The following LINGO2 variants were observed in gnomAD, a reference collection of about 807,000 sequenced individuals.
LINGO2 encodes leucine rich repeat and Ig domain containing 2.
LINGO2 carries 14 observed loss-of-function variants against 30.6 expected under a neutral mutation model. The ratio of observed to expected loss-of-function variants is 0.46; its 90% CI spans 0.30 to 0.72. The LOEUF is 0.72. LINGO2 is among the 30% of genes least tolerant of loss of function. The probability of loss-of-function intolerance (pLI) is 0.07; values close to 1 mark genes in which losing one functional copy is unlikely to be tolerated. For synonymous variants in LINGO2, 317 were observed against 288.5 expected, an observed-to-expected ratio of 1.10 and a Z score of -1.00; for missense variants, 729 against 751.7, an observed-to-expected ratio of 0.97 and a Z score of 0.35.
At chr9:28,997,118 T>C in the LINGO2 span, among the ~76,000 whole-genome samples, 2 of 152,046 alleles carry the variant, frequency 1.3e-5, no homozygotes, top group African/African-American at 4.8e-5. Flanking sequence ...TGTTTGGAAG[T>C]CAAGAGTTAA....
chr9:28,986,810 G>A, the LINGO2 span, among the ~76,000 whole-genome samples: 1 of 151,960 alleles, frequency 6.6e-6, no homozygotes, highest in Admixed American at 6.6e-5. Flanking sequence ...AAAATCTCAT[G>A]TAATTTATAA....
intron 4 of LINGO2, among the ~76,000 whole-genome samples, chr9:28,223,531 C>T: frequency 6.6e-6 from 1 of 152,174 alleles, no homozygotes; most frequent in East Asian, 1.9e-4. Context: ...TTTGAAACCA[C>T]AGCAGCAAAT....
chr9:28,576,895 ACTT>A (rs1325632159), intron 1 of LINGO2, among the ~76,000 whole-genome samples: 3 of 152,306 alleles, frequency 2.0e-5, no homozygotes, highest in South Asian at 4.1e-4. Flanking sequence ...GAGTCCCATG[ACTT>A]CTTCTAATAT....
At chr9:29,008,277 C>G in the LINGO2 span, among the ~76,000 whole-genome samples, 1 of 152,018 alleles carries the variant, frequency 6.6e-6, no homozygotes, top group Non-Finnish European at 1.5e-5. Context: ...TATGGCTGCA[C>G]AGTATTCCAT....
intron 2 of LINGO2, among the ~76,000 whole-genome samples, chr9:28,394,329 G>C (rs76820301): frequency 4.6e-5 from 7 of 152,154 alleles, no homozygotes; most frequent in Admixed American, 4.6e-4. Flanking sequence ...GATATGAAAC[G>C]TAGTTACTGC....
the LINGO2 span, among the ~76,000 whole-genome samples, chr9:28,941,280 T>G: frequency 1.3e-4 from 20 of 152,270 alleles, no homozygotes; most frequent in South Asian, 3.9e-3. Flanking sequence ...AAGCATTTAT[T>G]AGTATCTAGA....
the LINGO2 span, among the ~76,000 whole-genome samples, chr9:28,856,790 G>A: frequency 3.0e-4 from 45 of 152,092 alleles, no homozygotes; most frequent in African/African-American, 9.6e-4. Context: ...TAAAATAGAT[G>A]AAGACAGACC....
the LINGO2 span, among the ~76,000 whole-genome samples, chr9:29,199,546 C>G: frequency 6.6e-6 from 1 of 152,202 alleles, no homozygotes; most frequent in African/African-American, 2.4e-5. Context: ...TTGAACAGGA[C>G]AGAAAGCATA....
At chr9:28,454,859 T>A (rs16913123) in intron 2 of LINGO2, among the ~76,000 whole-genome samples, 2,452 of 152,072 alleles carry the variant, frequency 0.016, 61 homozygotes, top group African/African-American at 0.055. Flanking sequence ...TTAATATAGA[T>A]GAAAGAGCTT....
At chr9:29,010,340 A>G in the LINGO2 span, among the ~76,000 whole-genome samples, 1 of 152,214 alleles carries the variant, frequency 6.6e-6, no homozygotes, top group Non-Finnish European at 1.5e-5. Context: ...TGACAAAGTC[A>G]TGTGGAAAGA....
At chr9:28,429,722 C>A (rs954806887) in intron 2 of LINGO2, among the ~76,000 whole-genome samples, 6 of 152,216 alleles carry the variant, frequency 3.9e-5, no homozygotes, top group African/African-American at 1.4e-4. Context: ...CACTAAAGTA[C>A]TTCCATTTTC....
chr9:28,405,284 A>G (rs147857867), intron 2 of LINGO2, among the ~76,000 whole-genome samples: 108 of 152,186 alleles, frequency 7.1e-4, no homozygotes, highest in African/African-American at 2.4e-3. Flanking sequence ...ATTATTCGAC[A>G]TTGTTATATT....
the LINGO2 span, among the ~76,000 whole-genome samples, chr9:28,724,704 A>C: frequency 4.0e-4 from 61 of 152,118 alleles, no homozygotes; most frequent in African/African-American, 1.4e-3. Context: ...TAAGGATGAA[A>C]GATGTTTGGG....
intron 4 of LINGO2, among the ~76,000 whole-genome samples, chr9:28,107,027 C>T (rs1294703311): frequency 2.6e-5 from 4 of 152,142 alleles, no homozygotes; most frequent in Admixed American, 2.6e-4. Context: ...TCCCCCATTC[C>T]TTAATTCCTC....
intron 3 of LINGO2, among the ~76,000 whole-genome samples, chr9:28,299,886 T>C (rs986731689): frequency 6.6e-6 from 1 of 152,154 alleles, no homozygotes; most frequent in Admixed American, 6.5e-5. Flanking sequence ...AAACCCATGA[T>C]ACTCCTGTCT....
chr9:29,173,571 C>T, the LINGO2 span, among the ~76,000 whole-genome samples: 3 of 152,010 alleles, frequency 2.0e-5, 1 homozygote, highest in Admixed American at 2.0e-4. Context: ...AAAATATTTC[C>T]AGCAATTTCC....
intron 4 of LINGO2, among the ~76,000 whole-genome samples, chr9:28,239,736 C>G (rs533893307): frequency 6.6e-6 from 1 of 152,202 alleles, no homozygotes; most frequent in Admixed American, 6.5e-5. Flanking sequence ...TACAAGATTG[C>G]TCACTTTCAC....
chr9:29,048,500 G>T, the LINGO2 span, among the ~76,000 whole-genome samples: 1 of 151,816 alleles, frequency 6.6e-6, no homozygotes, highest in Non-Finnish European at 1.5e-5. Flanking sequence ...CACAGAAGAC[G>T]CAAAATAGCC....
At chr9:28,351,846 A>C (rs527700346) in intron 3 of LINGO2, among the ~76,000 whole-genome samples, 15,460 of 149,964 alleles carry the variant, frequency 0.1, 1,104 homozygotes, top group Admixed American at 0.16. Context: ...CTGGTTCAAT[A>C]TATGCAAATC....
Sources: allele counts gnomAD v4.1 joint callset (sites outside exome capture counted in the v4.1 genomes callset), GRCh38; gene constraint gnomAD v4.1.1; transcripts MANE v1.5; gene names NCBI Gene and HGNC (gene_info 2026-07-23, HGNC 2026-07-21).